Variants in MKX observed in about 807,000 individuals in gnomAD.
MKX encodes the protein homeobox protein Mohawk.
Under a neutral mutation model 36.0 loss-of-function variants are expected in MKX, and 13 were observed. That is an observed-to-expected ratio of 0.36 (90% CI 0.24 to 0.57). MKX has a LOEUF of 0.57. Among genes scored for constraint, MKX ranks in the 20% least tolerant of loss-of-function variants. The pLI is 0.79. For missense variants in MKX, 458 were observed against 456.4 expected (o/e 1.00, Z -0.03); for synonymous variants, 176 against 178.3 (o/e 0.99, Z 0.10).
At chr10:27,739,709 G>T (rs1308799652) in intron 3 of MKX, among the ~76,000 whole-genome samples, 4 of 152,038 alleles carry the variant, frequency 2.6e-5, no homozygotes, top group Admixed American at 2.6e-4. Flanking sequence ...TGTCATCAAT[G>T]TTCTTTTGTT....
chr10:27,714,931 G>A (rs1358171368), intron 5 of MKX, among the ~76,000 whole-genome samples: 2 of 152,170 alleles, frequency 1.3e-5, no homozygotes, highest in Non-Finnish European at 2.9e-5. Context: ...GAATCTACAG[G>A]CAGGGGCAGT....
chr10:27,712,987 C>CCTTCA (rs1836899694), intron 5 of MKX, among the ~76,000 whole-genome samples: 1 of 152,128 alleles, frequency 6.6e-6, no homozygotes, highest in African/African-American at 2.4e-5. Flanking sequence ...GATGGAAGGT[C>CCTTCA]CTCCTTCACT....
At chr10:27,736,549 A>G (rs1834782371) in intron 3 of MKX, among the ~76,000 whole-genome samples, 1 of 152,138 alleles carries the variant, frequency 6.6e-6, no homozygotes, top group Non-Finnish European at 1.5e-5. Context: ...GGTCCAGAAC[A>G]TGACCAAACT....
chr10:27,720,322 G>GAA (rs199857626), intron 5 of MKX, among the ~76,000 whole-genome samples: 1 of 140,548 alleles, frequency 7.1e-6, no homozygotes, highest in East Asian at 2.0e-4. Context: ...AGACCATTAG[G>GAA]AAAAAAAAAA....
At chr10:27,696,572 C>T (rs1836558717) in intron 5 of MKX, among the ~76,000 whole-genome samples, 1 of 152,100 alleles carries the variant, frequency 6.6e-6, no homozygotes, top group Admixed American at 6.5e-5. Context: ...CTGCATATTA[C>T]AAAGTTTCCA....
At chr10:27,701,875 CAT>C (rs1491362793) in intron 5 of MKX, among the ~76,000 whole-genome samples, 1 of 148,788 alleles carries the variant, frequency 6.7e-6, no homozygotes, top group Non-Finnish European at 1.5e-5. Context: ...TTCAAATGTA[CAT>C]GTGTATATAT....
chr10:27,712,140 T>C (rs2132596362), intron 5 of MKX, among the ~76,000 whole-genome samples: 1 of 152,266 alleles, frequency 6.6e-6, no homozygotes, highest in Non-Finnish European at 1.5e-5. Flanking sequence ...GCTCTGTCCC[T>C]AATCATCAAC....
rs1338906239 is a variant in MKX, at chr10:27,743,472, G to A, written c.-57C>T. ...CGCAGAGCCTCGGGGCTGGGCCGCCGGGAGCTCCGCAGCGGGGCTCGGCTT... is the reference window on the plus strand; with the variant it reads ...CGCAGAGCCTCGGGGCTGGGCCGCCAGGAGCTCCGCAGCGGGGCTCGGCTT... On this transcript the variant is annotated 5_prime_UTR_variant, in exon 2 of 7. Coordinates refer to ENST00000419761, the MANE Select transcript of MKX (RefSeq NM_173576.3). 6.2e-6 allele frequency: 9 copies of A among 1,456,482 alleles called. No homozygotes were observed. Among genetic ancestry groups the A allele is most frequent in the South Asian group, 2.8e-5 (2 of 70,682 alleles). The allele number at this position is 1,456,482 out of a possible 1,614,324, so 90.2% of individuals were successfully genotyped here.
At chr10:27,743,092 G>T in intron 2 of MKX, 136 bp downstream of exon 2, 1 of 778,920 alleles carries the variant, frequency 1.3e-6, no homozygotes, top group Non-Finnish European at 1.8e-6. Context: ...GCCCTGGAGG[G>T]GCAGACCTGC....
rs770396927 is a variant in MKX at position 27,743,269 on chromosome 10, C to T, written c.147G>A (p.Pro49=). ...ARPEVGIPDG[P]PLKDNLGLRH... ...TCAGGCCGAGGTTGTCCTTGAGGGGCGGGCCGTCGGGAATGCCCACCTCGG... is the reference window on the plus strand; with the variant it reads ...TCAGGCCGAGGTTGTCCTTGAGGGGTGGGCCGTCGGGAATGCCCACCTCGG... Residue 49 remains proline (P), a synonymous_variant, in exon 2 of 7, where the codon CCG becomes CCA. Coordinates refer to ENST00000419761, the MANE Select transcript of MKX (RefSeq NM_173576.3). 2 of 1,547,954 alleles carry T rather than the reference C, an allele frequency of 1.3e-6. No homozygotes were observed. Among genetic ancestry groups the T allele is most frequent in the African/African-American group, 1.4e-5 (1 of 70,190 alleles).
chr10:27,679,317 G>A (rs754612250), intron 5 of MKX, among the ~76,000 whole-genome samples: 24 of 151,788 alleles, frequency 1.6e-4, no homozygotes, highest in South Asian at 2.1e-4. Flanking sequence ...ATGGAGAATA[G>A]TGTGAAAACT....
Position 27,674,916 on chromosome 10 carries a change from T to G in MKX, c.*313A>C. 4.3e-6 allele frequency: 1 copy of G among 231,474 alleles called. No individual in the cohort carries two copies. Among genetic ancestry groups the G allele is most frequent in the Non-Finnish European group, 8.5e-6 (1 of 117,806 alleles). 14.3% of individuals were successfully genotyped at this position (231,474 alleles called of 1,614,324 possible). A position where few individuals can be genotyped will look rare whatever the true frequency, so the allele number is the denominator to read the frequency against. On this transcript the variant is annotated 3_prime_UTR_variant, in exon 7 of 7. Coordinates refer to ENST00000419761, the MANE Select transcript of MKX (RefSeq NM_173576.3). Reference sequence around the variant, plus strand: ...GGCTAATAAGCATATGGCGTTGGCATTTTGAGGCATAGCTTGTTCAACTAT... The same window carrying G: ...GGCTAATAAGCATATGGCGTTGGCAGTTTGAGGCATAGCTTGTTCAACTAT...
chr10:27,704,022 A>G (rs902113513), intron 5 of MKX, among the ~76,000 whole-genome samples: 2 of 152,194 alleles, frequency 1.3e-5, no homozygotes, highest in African/African-American at 4.8e-5. Context: ...GCAGAATACA[A>G]TATTAATATA....
chr10:27,733,603 T>G (rs1834681845), intron 5 of MKX, among the ~76,000 whole-genome samples: 1 of 152,196 alleles, frequency 6.6e-6, no homozygotes. Context: ...AGATGTTTTC[T>G]GAGGTTATTT....
intron 5 of MKX, among the ~76,000 whole-genome samples, chr10:27,677,564 A>T (rs1216115778): frequency 6.6e-6 from 1 of 152,230 alleles, no homozygotes; most frequent in African/African-American, 2.4e-5. Flanking sequence ...GAAGGAAAAG[A>T]ATGGGGAAAG....
intron 5 of MKX, among the ~76,000 whole-genome samples, chr10:27,714,201 T>C (rs1836923276): frequency 6.6e-6 from 1 of 152,034 alleles, no homozygotes; most frequent in African/African-American, 2.4e-5. Flanking sequence ...ACAGTTATAA[T>C]TTGTAGTCTG....
chr10:27,723,609 G>A (rs553818660), intron 5 of MKX, among the ~76,000 whole-genome samples: 1 of 152,258 alleles, frequency 6.6e-6, no homozygotes, highest in Non-Finnish European at 1.5e-5. Flanking sequence ...AATAGCTTCT[G>A]GCTAGGAATT....
chr10:27,727,197 C>T (rs1834510115), intron 5 of MKX, among the ~76,000 whole-genome samples: 1 of 152,216 alleles, frequency 6.6e-6, no homozygotes, highest in South Asian at 2.1e-4. Flanking sequence ...AGTTTCTAGG[C>T]TAAACTGCCT....
At chr10:27,691,394 A>G (rs1217981571) in intron 5 of MKX, among the ~76,000 whole-genome samples, 5 of 152,180 alleles carry the variant, frequency 3.3e-5, no homozygotes. Flanking sequence ...GTAAATAACC[A>G]TGCTGGAATT....
Sources: allele counts gnomAD v4.1 joint callset (sites outside exome capture counted in the v4.1 genomes callset), GRCh38; gene constraint gnomAD v4.1.1; transcripts MANE v1.5; gene names NCBI Gene and HGNC (gene_info 2026-07-23, HGNC 2026-07-21).